Variants in EDA observed in about 807,000 individuals in gnomAD.
The protein encoded by EDA is ectodysplasin A.
Under a neutral mutation model 23.6 loss-of-function variants are expected in EDA, and 2 were observed. The ratio of observed to expected loss-of-function variants is 0.08; its 90% CI spans 0.03 to 0.27. The LOEUF is 0.27. Ranked by LOEUF, EDA falls within the 10% of genes least tolerant of loss-of-function variation. The pLI is 1.00. For synonymous variants in EDA, 131 were observed against 132.0 expected, an observed-to-expected ratio of 0.99 and a Z score of 0.05; for missense variants, 229 against 324.2, an observed-to-expected ratio of 0.71 and a Z score of 2.26.
At chrX:70,003,015 A>G (rs369682734) in intron 2 of EDA, among the ~76,000 whole-genome samples, 250 of 112,442 alleles carry the variant, frequency 2.2e-3, no homozygotes, top group African/African-American at 7.4e-3. Flanking sequence ...ACCGTCCTTT[A>G]TAATTGGATT....
chrX:69,762,452 C>G (rs2014337067), intron 1 of EDA, among the ~76,000 whole-genome samples: 2 of 111,570 alleles, frequency 1.8e-5, no homozygotes, highest in Admixed American at 9.6e-5. Context: ...TATTGACTAT[C>G]CACGCGGCAT....
chrX:69,865,708 A>G (rs1410046362), intron 1 of EDA, among the ~76,000 whole-genome samples: 1 of 111,643 alleles, frequency 9.0e-6, no homozygotes, highest in East Asian at 2.8e-4. Context: ...CCCCTTGTCA[A>G]CTTGAACCCA....
intron 1 of EDA, among the ~76,000 whole-genome samples, chrX:69,838,800 A>G (rs5936777): frequency 0.06 from 6,751 of 111,593 alleles, 205 homozygotes; most frequent in Middle Eastern, 0.098. Context: ...AAGACTGCCT[A>G]TCTCTCATGT....
At position 70,036,119 on chromosome X, in the gene EDA, C is replaced by A. The variant is rs2020264173; in HGVS notation, c.*510C>A. ...AAAAGGCAGGTGCTTTTGGCAGAGA[C>A]CATAAGAGAAACCTGCCAAGGAGCA... On this transcript the variant is annotated 3_prime_UTR_variant, in exon 8 of 8. Transcript: ENST00000374552. The A allele has an allele frequency of 8.0e-6, 1 of 124,355 alleles. No homozygotes were observed. The highest frequency in any genetic ancestry group is 3.3e-5 in the African/African-American group (1 of 30,695). The allele number at this position is 124,355 out of a possible 1,213,427, so 10.2% of individuals were successfully genotyped here.
intron 1 of EDA, among the ~76,000 whole-genome samples, chrX:69,839,412 C>T (rs1199568275): frequency 8.9e-6 from 1 of 112,073 alleles, no homozygotes; most frequent in African/African-American, 3.2e-5. Context: ...TTTTGAAATC[C>T]TACATGAACA....
At position 69,803,338 on chromosome X, in the gene EDA, A is replaced by C. The variant is rs911284152; in HGVS notation, c.397-153689A>C. 4.5e-5 allele frequency among the ~76,000 whole-genome samples: 5 copies of C among 109,960 alleles called. No individual in the cohort carries two copies. The Admixed American group carries it at 4.9e-4, about 11-fold the overall frequency. Reference sequence around the variant, plus strand: ...AGACTTTAGTTTTGATTTTTTCATGAAATGTTGAAGATGTTTTAAGTGTGT... The same window carrying C: ...AGACTTTAGTTTTGATTTTTTCATGCAATGTTGAAGATGTTTTAAGTGTGT... On this transcript the variant is annotated intron_variant, in intron 1 of 7. Transcript: ENST00000374552.
chrX:69,962,117 C>G (rs1409480729), intron 2 of EDA, among the ~76,000 whole-genome samples: 1 of 112,519 alleles, frequency 8.9e-6, no homozygotes, highest in African/African-American at 3.2e-5. Context: ...AACATCTGTT[C>G]TCTTCCGATA....
chrX:69,660,590 TG>T (rs1933457915), intron 1 of EDA, among the ~76,000 whole-genome samples: 1 of 106,893 alleles, frequency 9.4e-6, no homozygotes, highest in African/African-American at 3.4e-5. Context: ...GTACATGTGG[TG>T]TTTGGTTTTC....
At chrX:69,974,579 G>C (rs981400890) in intron 2 of EDA, among the ~76,000 whole-genome samples, 1 of 111,344 alleles carries the variant, frequency 9.0e-6, no homozygotes, top group African/African-American at 3.3e-5. Context: ...TTAAACTAAA[G>C]AGCTTCTGCA....
intron 1 of EDA, among the ~76,000 whole-genome samples, chrX:69,769,527 G>A (rs1455257486): frequency 9.0e-6 from 1 of 111,385 alleles, no homozygotes; most frequent in African/African-American, 3.3e-5. Context: ...GACAATTGAT[G>A]TGGTTAGGTT....
Position 70,035,723 on chromosome X carries a change from A to G in EDA, c.*114A>G. The G allele has an allele frequency of 1.1e-6, 1 of 948,249 alleles. No homozygotes were observed. Among genetic ancestry groups the G allele is most frequent in the Non-Finnish European group, 1.5e-6 (1 of 678,291 alleles). 78.1% of individuals were successfully genotyped at this position (948,249 alleles called of 1,213,427 possible). A position where few individuals can be genotyped will look rare whatever the true frequency, so the allele number is the denominator to read the frequency against. ...GTGTATTGGTGTTGCAGCCGCAGAGAAATGCCCCAGTGTTATTTATTCCCC... is the reference window on the plus strand; with the variant it reads ...GTGTATTGGTGTTGCAGCCGCAGAGGAATGCCCCAGTGTTATTTATTCCCC... On this transcript the variant is annotated 3_prime_UTR_variant, in exon 8 of 8. Coordinates refer to ENST00000374552, the MANE Select transcript of EDA (RefSeq NM_001399.5).
chrX:69,827,675 C>G (rs1479930533), intron 1 of EDA, among the ~76,000 whole-genome samples: 1 of 111,951 alleles, frequency 8.9e-6, no homozygotes. Flanking sequence ...GTAATTTGAT[C>G]GTCTGAAGCC....
At chrX:69,809,610 C>G (rs894850914) in intron 1 of EDA, among the ~76,000 whole-genome samples, 1 of 111,372 alleles carries the variant, frequency 9.0e-6, no homozygotes, top group African/African-American at 3.3e-5. Flanking sequence ...CCTGTTTGTC[C>G]TCTATTTTAT....
chrX:69,806,824 A>G (rs980175265), intron 1 of EDA, among the ~76,000 whole-genome samples: 3 of 109,949 alleles, frequency 2.7e-5, no homozygotes, highest in Non-Finnish European at 5.7e-5. Context: ...GAGCATAGAG[A>G]GTTTCAACAA....
intron 1 of EDA, among the ~76,000 whole-genome samples, chrX:69,753,938 A>G (rs2014000568): frequency 9.3e-6 from 1 of 107,337 alleles, no homozygotes; most frequent in Admixed American, 1.0e-4. Flanking sequence ...ATCTTCCTCC[A>G]TCCCTTTATT....
At chrX:69,750,694 G>A (rs1171695494) in intron 1 of EDA, among the ~76,000 whole-genome samples, 19 of 111,212 alleles carry the variant, frequency 1.7e-4, no homozygotes, top group Admixed American at 4.8e-4. Flanking sequence ...GTTGTTTCCT[G>A]ACTTTTTAAT....
intron 1 of EDA, among the ~76,000 whole-genome samples, chrX:69,789,102 C>G (rs768351667): frequency 1.6e-3 from 185 of 112,366 alleles, no homozygotes; most frequent in African/African-American, 5.5e-3. Flanking sequence ...AGGGAACTCC[C>G]TGACCCCTTG....
At chrX:70,021,216 T>C (rs971982441) in intron 2 of EDA, among the ~76,000 whole-genome samples, 1 of 111,990 alleles carries the variant, frequency 8.9e-6, no homozygotes, top group African/African-American at 3.2e-5. Context: ...GTTTCATTAT[T>C]TACTGCCTTC....
Position 69,744,963 on chromosome X carries a change from G to A in EDA, c.396+128259G>A, listed in dbSNP as rs371521118. Reference sequence around the variant, plus strand: ...TCACTCTGCCTGAAGTCACGTCCAGGTAGCATCATATCTGCTACTATCTCG... The same window carrying A: ...TCACTCTGCCTGAAGTCACGTCCAGATAGCATCATATCTGCTACTATCTCG... On this transcript the variant is annotated intron_variant, in intron 1 of 7. Transcript: ENST00000374552. Among the ~76,000 whole-genome samples, 22 of 111,577 alleles carry A rather than the reference G, an allele frequency of 2.0e-4. No individual in the cohort carries two copies. The South Asian group carries it at 4.9e-3, about 25-fold the overall frequency.
Sources: gnomAD v4.1 joint callset for allele counts (sites outside exome capture counted in the v4.1 genomes callset) on GRCh38, gnomAD v4.1.1 for gene constraint, MANE v1.5 for transcripts, NCBI Gene and HGNC (gene_info 2026-07-23, HGNC 2026-07-21) for gene names.